PXDNL: variants seen among roughly 807,000 people sequenced by gnomAD.
PXDNL encodes peroxidasin like, also known as probable oxidoreductase PXDNL.
Under a neutral mutation model 150.8 loss-of-function variants are expected in PXDNL, and 145 were observed. That is an observed-to-expected ratio of 0.96 (90% CI 0.84 to 1.10). The LOEUF (loss-of-function observed/expected upper bound fraction) is 1.10. PXDNL is among the 50% of genes least tolerant of loss of function. PXDNL has a pLI of 0.00. For missense variants in PXDNL, 2,087 were observed against 1,873.9 expected (o/e 1.11, Z -2.10); for synonymous variants, 757 against 725.7 (o/e 1.04, Z -0.69).
intron 3 of PXDNL, among the ~76,000 whole-genome samples, chr8:51,587,716 G>A (rs1813356346): frequency 6.6e-6 from 1 of 151,848 alleles, no homozygotes; most frequent in Admixed American, 6.6e-5. Context: ...GCATTTAATA[G>A]TGTTATCATT....
intron 1 of PXDNL, among the ~76,000 whole-genome samples, chr8:51,709,675 G>C (rs1316356528): frequency 6.6e-6 from 1 of 152,062 alleles, no homozygotes; most frequent in Non-Finnish European, 1.5e-5. Context: ...AGAAATGAAG[G>C]ATAAGTTAAT....
In PXDNL at chr8:51,448,994, T is replaced by C; in HGVS notation, c.1366+8A>G. On this transcript the variant is annotated splice_region_variant and intron_variant, in intron 11 of 22. Transcript: ENST00000356297. ...TTTCCCCACAATTACCTGCAGATGT[T>C]CTAATACCTGTTTTTGTCCAGACAA... 2 of 1,438,592 alleles carry C rather than the reference T, an allele frequency of 1.4e-6. No homozygotes were observed. Among genetic ancestry groups the C allele is most frequent in the Non-Finnish European group, 1.9e-6 (2 of 1,043,680 alleles). 89.1% of individuals were successfully genotyped at this position (1,438,592 alleles called of 1,614,324 possible). A position where few individuals can be genotyped will look rare whatever the true frequency, so the allele number is the denominator to read the frequency against.
At chr8:51,488,528 A>G (rs1158041810) in intron 5 of PXDNL, among the ~76,000 whole-genome samples, 1 of 152,214 alleles carries the variant, frequency 6.6e-6, no homozygotes, top group Admixed American at 6.5e-5. Context: ...ATTTTTTCCA[A>G]AGAAATTGAA....
intron 17 of PXDNL, among the ~76,000 whole-genome samples, chr8:51,393,455 C>T (rs747468418): frequency 6.6e-6 from 1 of 152,206 alleles, no homozygotes; most frequent in Admixed American, 6.5e-5. Flanking sequence ...ACATCAGAGC[C>T]TTTATTGCTG....
intron 4 of PXDNL, among the ~76,000 whole-genome samples, chr8:51,521,660 ACAC>A (rs1357318406): frequency 1.3e-5 from 2 of 152,182 alleles, no homozygotes; most frequent in Non-Finnish European, 2.9e-5. Context: ...GAGCTTAGAA[ACAC>A]CAAGCAAGAT....
intron 1 of PXDNL, 65 bp from the exon 2 acceptor site, chr8:51,654,825 A>C: frequency 1.6e-6 from 2 of 1,261,282 alleles, no homozygotes; most frequent in East Asian, 2.3e-5. Flanking sequence ...TTATTTCCAG[A>C]AGCTTGAAGG....
At chr8:51,584,062 TA>T (rs1322767739) in intron 3 of PXDNL, among the ~76,000 whole-genome samples, 1 of 152,114 alleles carries the variant, frequency 6.6e-6, no homozygotes, top group East Asian at 1.9e-4. Context: ...TCCAAAGTCA[TA>T]AAAAAATCAA....
At chr8:51,586,079 T>A (rs1813316446) in intron 3 of PXDNL, among the ~76,000 whole-genome samples, 1 of 152,168 alleles carries the variant, frequency 6.6e-6, no homozygotes, top group South Asian at 2.1e-4. Context: ...ATTAAGCTGC[T>A]TCATCCACCA....
chr8:51,756,690 G>GA (rs1314204163), intron 1 of PXDNL, among the ~76,000 whole-genome samples: 1 of 151,484 alleles, frequency 6.6e-6, no homozygotes, highest in Admixed American at 6.6e-5. Flanking sequence ...TTTCAATTTA[G>GA]AAAAAAACTT....
chr8:51,377,442 C>T (rs1286444987), intron 17 of PXDNL, among the ~76,000 whole-genome samples: 2 of 152,208 alleles, frequency 1.3e-5, no homozygotes, highest in African/African-American at 4.8e-5. Context: ...TTCAGCCCGC[C>T]GCCGCACTGT....
intron 17 of PXDNL, among the ~76,000 whole-genome samples, chr8:51,378,793 A>G (rs985750849): frequency 6.7e-6 from 1 of 149,472 alleles, no homozygotes; most frequent in Non-Finnish European, 1.5e-5. Context: ...GAAGGTCTGC[A>G]GCTTCACTCC....
At chr8:51,756,354 T>C (rs2037101100) in intron 1 of PXDNL, among the ~76,000 whole-genome samples, 1 of 148,660 alleles carries the variant, frequency 6.7e-6, no homozygotes, top group Non-Finnish European at 1.5e-5. Flanking sequence ...ATAGCATGAT[T>C]GCACTACAGA....
At chr8:51,368,786 A>G (rs148219677) in intron 19 of PXDNL, among the ~76,000 whole-genome samples, 1,809 of 152,176 alleles carry the variant, frequency 0.012, 30 homozygotes, top group African/African-American at 0.04. Flanking sequence ...ACTTGAGATC[A>G]GGAGTTCAAG....
chr8:51,403,540 G>C (rs1459707543), intron 17 of PXDNL, among the ~76,000 whole-genome samples: 1 of 152,144 alleles, frequency 6.6e-6, no homozygotes, highest in Non-Finnish European at 1.5e-5. Flanking sequence ...TTCTAGGATT[G>C]GACTCCTTGG....
chr8:51,679,280 A>T (rs1268964124), intron 1 of PXDNL, among the ~76,000 whole-genome samples: 1 of 152,180 alleles, frequency 6.6e-6, no homozygotes, highest in Non-Finnish European at 1.5e-5. Flanking sequence ...CCTGCTCAGA[A>T]GTCTAGGCCT....
chr8:51,408,023 T>TGCAGCGTGTG lies in PXDNL; in HGVS notation c.3557+43_3557+44insCACACGCTGC. On this transcript the variant is annotated intron_variant, in intron 17 of 22. Coordinates refer to ENST00000356297, the MANE Select transcript of PXDNL (RefSeq NM_144651.5). ...CAAAATGACCTTTAACACTTTTACC[T>TGCAGCGTGTG]CTCCTAAGAAATGTTTAAATCCAGG... is the stretch of plus-strand genomic sequence containing the variant. 3 of 1,512,038 alleles carry TGCAGCGTGTG rather than the reference T, an allele frequency of 2.0e-6. No homozygotes were observed. The South Asian group carries it at 4.0e-5, about 20-fold the overall frequency. The allele number at this position is 1,512,038 out of a possible 1,614,324, so 93.7% of individuals were successfully genotyped here.
At chr8:51,657,836 T>C (rs1815183251) in intron 1 of PXDNL, among the ~76,000 whole-genome samples, 1 of 152,176 alleles carries the variant, frequency 6.6e-6, no homozygotes, top group Admixed American at 6.5e-5. Flanking sequence ...GCTATATGTA[T>C]CTATTATCAG....
chr8:51,425,919 C>A (rs1809087836), intron 13 of PXDNL, among the ~76,000 whole-genome samples: 1 of 152,004 alleles, frequency 6.6e-6, no homozygotes, highest in Admixed American at 6.5e-5. Flanking sequence ...AGACTTGCTA[C>A]AGCACAAAAG....
At chr8:51,409,585 G>T (rs754418102) in intron 16 of PXDNL, 24 bp from the exon 17 acceptor site, 4 of 1,527,028 alleles carry the variant, frequency 2.6e-6, no homozygotes, top group Non-Finnish European at 3.5e-6. Flanking sequence ...GGCGAAAGCC[G>T]TGAGGAGGGC....
Sources: allele counts gnomAD v4.1 joint callset (sites outside exome capture counted in the v4.1 genomes callset), GRCh38; gene constraint gnomAD v4.1.1; transcripts MANE v1.5; gene names NCBI Gene and HGNC (gene_info 2026-07-23, HGNC 2026-07-21).